The following MAP3K4 variants were observed in gnomAD, a reference collection of about 807,000 sequenced individuals.
MAP3K4 encodes mitogen-activated protein kinase kinase kinase 4.
Under a neutral mutation model 185.6 loss-of-function variants are expected in MAP3K4, and 67 were observed. That is an observed-to-expected ratio of 0.36 (90% CI 0.30 to 0.44). The LOEUF (loss-of-function observed/expected upper bound fraction) is 0.44, where lower values mean the gene tolerates loss of function less well. Ranked by LOEUF, MAP3K4 falls within the 20% of genes least tolerant of loss-of-function variation. The probability of loss-of-function intolerance (pLI) is 1.00; values close to 1 mark genes in which losing one functional copy is unlikely to be tolerated. For missense variants in MAP3K4, 1,551 were observed against 1,995.1 expected, an observed-to-expected ratio of 0.78 and a Z score of 4.24; for synonymous variants, 702 against 710.4, an observed-to-expected ratio of 0.99 and a Z score of 0.19.
At chr6:161,066,278 G>T (rs1259044279) in intron 3 of MAP3K4, among the ~76,000 whole-genome samples, 1 of 152,034 alleles carries the variant, frequency 6.6e-6, no homozygotes, top group African/African-American at 2.4e-5. Flanking sequence ...CATCTTAGTG[G>T]TGTTTTGACT....
chr6:161,003,112 A>T (rs1241799874), intron 1 of MAP3K4, among the ~76,000 whole-genome samples: 1 of 152,086 alleles, frequency 6.6e-6, no homozygotes, highest in South Asian at 2.1e-4. Context: ...TGAATTTTTC[A>T]CTATTTTGGA....
intron 1 of MAP3K4, among the ~76,000 whole-genome samples, chr6:161,031,231 G>T (rs905374437): frequency 2.0e-5 from 3 of 152,138 alleles, no homozygotes; most frequent in Non-Finnish European, 4.4e-5. Flanking sequence ...GAAAACAAGG[G>T]ACTGTTAGCT....
At chr6:161,083,474 A>G (rs1381961069) in intron 6 of MAP3K4, among the ~76,000 whole-genome samples, 3 of 152,168 alleles carry the variant, frequency 2.0e-5, no homozygotes, top group Admixed American at 2.0e-4. Flanking sequence ...TCCCAATCAG[A>G]TATTTTAAAA....
rs950930590 is a variant in MAP3K4, at chr6:161,084,660, A to C, written c.2372+43A>C. ...TTTCCCCTTCCACTTCTTATCTCGTAGTTTCCTTCCTCATGGTGAGATCCT... is the reference window on the plus strand; with the variant it reads ...TTTCCCCTTCCACTTCTTATCTCGTCGTTTCCTTCCTCATGGTGAGATCCT... On this transcript the variant is annotated intron_variant, in intron 7 of 26. Transcript: ENST00000392142. This position sits in a 1 kb window ranked among gnomAD's most constrained non-coding sequence, Gnocchi z 4.6. The C allele has an allele frequency of 8.7e-7, 1 of 1,149,810 alleles. No individual in the cohort carries two copies. Among genetic ancestry groups the C allele is most frequent in the Non-Finnish European group, 1.3e-6 (1 of 758,202 alleles). The allele number at this position is 1,149,810 out of a possible 1,614,324, so 71.2% of individuals were successfully genotyped here.
intron 13 of MAP3K4, among the ~76,000 whole-genome samples, chr6:161,092,663 A>G (rs1777379487): frequency 6.8e-6 from 1 of 147,124 alleles, no homozygotes; most frequent in African/African-American, 2.7e-5. Flanking sequence ...CTGAGATTCA[A>G]AGTAGGAACT....
At chr6:161,083,114 C>T (rs950437843) in intron 6 of MAP3K4, among the ~76,000 whole-genome samples, 1 of 152,120 alleles carries the variant, frequency 6.6e-6, no homozygotes. Context: ...CACCAGCTGG[C>T]CCCTCTGCAT....
At position 161,112,640 on chromosome 6, in the gene MAP3K4, A is replaced by G; in HGVS notation, c.4520-28A>G. The G allele has an allele frequency of 7.0e-7, 1 of 1,433,478 alleles. No individual in the cohort carries two copies. The highest frequency in any genetic ancestry group is 2.4e-5 in the East Asian group (1 of 42,076). The allele number at this position is 1,433,478 out of a possible 1,614,324, so 88.8% of individuals were successfully genotyped here. A position where few individuals can be genotyped will look rare whatever the true frequency, so the allele number is the denominator to read the frequency against. ...CATGTTGATGTGTTTATAACCCATT[A>G]CTCTCAACATATCTGTGACTTTTAA... On this transcript the variant is annotated intron_variant, in intron 24 of 26. Transcript: ENST00000392142. The surrounding 1 kb of genome is among the most constrained non-coding windows in gnomAD (Gnocchi z 5.1).
Position 161,088,091 on chromosome 6 carries a change from GTGT to G in MAP3K4, c.2823+139_2823+141del. The G allele has an allele frequency of 1.4e-6, 1 of 740,020 alleles. No individual in the cohort carries two copies. The highest frequency in any genetic ancestry group is 2.1e-6 in the Non-Finnish European group (1 of 471,126). 45.8% of individuals were successfully genotyped at this position (740,020 alleles called of 1,614,324 possible). ...ATACTTCCCAAAAATATGCCTCAAT[GTGT>G]TAATAGGTCATTTTGCAGCATAATT... On this transcript the variant is annotated intron_variant, in intron 10 of 26. Transcript: ENST00000392142. This position sits in a 1 kb window ranked among gnomAD's most constrained non-coding sequence, Gnocchi z 4.5.
rs1785052320 is a variant in MAP3K4 at position 161,073,750 on chromosome 6, G to T, written c.2097+138G>T. On this transcript the variant is annotated intron_variant, in intron 5 of 26. Transcript: ENST00000392142. This position sits in a 1 kb window ranked among gnomAD's most constrained non-coding sequence, Gnocchi z 4.2. ...TTCTCTAGTAATGAATTATAGAAAT[G>T]ATCCCTGAAAGTATAGCTTGTGTGT... 4 of 889,586 alleles carry T rather than the reference G, an allele frequency of 4.5e-6. No homozygotes were observed. Among genetic ancestry groups the T allele is most frequent in the Non-Finnish European group, 6.5e-6 (4 of 614,228 alleles). 55.1% of individuals were successfully genotyped at this position (889,586 alleles called of 1,614,324 possible).
At position 161,073,547 on chromosome 6, in the gene MAP3K4, G is replaced by T; in HGVS notation, c.2032G>T (p.Glu678Ter). Residue 678 changes from glutamate to a stop codon, truncating the protein, a stop_gained, in exon 5 of 27, where the codon GAG becomes TAG. Coordinates refer to ENST00000392142, the MANE Select transcript of MAP3K4 (RefSeq NM_005922.4). LOFTEE classifies it high-confidence loss of function. This position sits in a 1 kb window ranked among gnomAD's most constrained non-coding sequence, Gnocchi z 4.2. ...CCAGTTCATGCTGCAGGAGGTTCTG[G>T]AGGACTTGGAGAAGCCCGACTGCAA... ...YYQFMLQEVL[E>*]DLEKPDCNID... 1 of 1,614,034 alleles carries T rather than the reference G, an allele frequency of 6.2e-7. No individual in the cohort carries two copies. The highest frequency in any genetic ancestry group is 8.5e-7 in the Non-Finnish European group (1 of 1,179,964).
At chr6:161,018,478 T>TGAGGTTA (rs1782218581) in intron 1 of MAP3K4, among the ~76,000 whole-genome samples, 1 of 152,122 alleles carries the variant, frequency 6.6e-6, no homozygotes. Flanking sequence ...AGCTTAGTAG[T>TGAGGTTA]GAGGTTAGGC....
At chr6:161,015,278 G>C (rs770455715) in intron 1 of MAP3K4, among the ~76,000 whole-genome samples, 16 of 151,846 alleles carry the variant, frequency 1.1e-4, no homozygotes, top group East Asian at 1.9e-4. Context: ...GGACACATGG[G>C]GGGGAAACAG....
chr6:161,098,549 T>C lies in MAP3K4; in HGVS notation c.3674+122T>C, dbSNP rs1356551132. Reference sequence around the variant, plus strand: ...CTTCTTTGCTGTGGCGTGTGAGTGATGCTCTAGGGCCTTCCGCAGGTTGTC... The same window carrying C: ...CTTCTTTGCTGTGGCGTGTGAGTGACGCTCTAGGGCCTTCCGCAGGTTGTC... On this transcript the variant is annotated intron_variant, in intron 17 of 26. Transcript: ENST00000392142. This position sits in a 1 kb window ranked among gnomAD's most constrained non-coding sequence, Gnocchi z 4.4. 2 of 1,214,230 alleles carry C rather than the reference T, an allele frequency of 1.6e-6. No homozygotes were observed. The highest frequency in any genetic ancestry group is 3.1e-5 in the African/African-American group (2 of 65,374). The allele number at this position is 1,214,230 out of a possible 1,614,324, so 75.2% of individuals were successfully genotyped here. A position where few individuals can be genotyped will look rare whatever the true frequency, so the allele number is the denominator to read the frequency against.
At chr6:161,005,102 C>T (rs1781516409) in intron 1 of MAP3K4, among the ~76,000 whole-genome samples, 1 of 151,562 alleles carries the variant, frequency 6.6e-6, no homozygotes, top group South Asian at 2.1e-4. Flanking sequence ...AAAATGAACA[C>T]ATTCATTAAT....
Position 161,093,914 on chromosome 6 carries a change from G to T in MAP3K4, c.3427+63G>T. On this transcript the variant is annotated intron_variant, in intron 15 of 26. Coordinates refer to ENST00000392142, the MANE Select transcript of MAP3K4 (RefSeq NM_005922.4). The surrounding 1 kb of genome is among the most constrained non-coding windows in gnomAD (Gnocchi z 5.2). ...ATGATTTGAGTGGACAGATCCTCTTGTAATTGCAGTCGTTTAAAATGGTAT... is the reference window on the plus strand; with the variant it reads ...ATGATTTGAGTGGACAGATCCTCTTTTAATTGCAGTCGTTTAAAATGGTAT... The T allele has an allele frequency of 8.3e-7, 1 of 1,209,014 alleles. No individual in the cohort carries two copies. The highest frequency in any genetic ancestry group is 1.2e-6 in the Non-Finnish European group (1 of 823,800). The allele number at this position is 1,209,014 out of a possible 1,614,324, so 74.9% of individuals were successfully genotyped here.
intron 1 of MAP3K4, among the ~76,000 whole-genome samples, chr6:161,006,429 A>G (rs1483641049): frequency 1.3e-5 from 2 of 152,256 alleles, no homozygotes; most frequent in African/African-American, 2.4e-5. Flanking sequence ...TCAGTGTAAC[A>G]ATCATATACA....
chr6:161,062,145 T>C (rs1784512657), intron 3 of MAP3K4, among the ~76,000 whole-genome samples: 1 of 152,228 alleles, frequency 6.6e-6, no homozygotes, highest in African/African-American at 2.4e-5. Flanking sequence ...ACACCCTTAA[T>C]ATCCCCTCTT....
intron 1 of MAP3K4, among the ~76,000 whole-genome samples, chr6:161,026,194 G>T (rs1380291686): frequency 6.6e-6 from 1 of 151,834 alleles, no homozygotes; most frequent in Non-Finnish European, 1.5e-5. Flanking sequence ...GCAGTGGCGC[G>T]ATCTCGGCTC....
At chr6:161,001,027 ATTATATATTATAAT>A (rs1781281004) in intron 1 of MAP3K4, among the ~76,000 whole-genome samples, 1 of 13,216 alleles carries the variant, frequency 7.6e-5, no homozygotes, top group Admixed American at 9.3e-4. Flanking sequence ...TATAATATAT[ATTATATATTATAAT>A]ATACACATAT....
Sources: gnomAD v4.1 joint callset for allele counts (sites outside exome capture counted in the v4.1 genomes callset) on GRCh38, gnomAD v4.1.1 for gene constraint, Gnocchi (gnomAD v3.1) non-coding constraint, MANE v1.5 for transcripts, NCBI Gene and HGNC (gene_info 2026-07-23, HGNC 2026-07-21) for gene names.